CFAP47: variants seen among roughly 807,000 people sequenced by gnomAD.
CFAP47 encodes the protein cilia and flagella associated protein 47.
CFAP47 carries 29 observed loss-of-function variants against 148.1 expected under a neutral mutation model. The observed-to-expected ratio is 0.20, with a 90% CI of 0.15 to 0.27. The LOEUF (loss-of-function observed/expected upper bound fraction) is 0.27, where lower values mean the gene tolerates loss of function less well. Ranked by LOEUF, CFAP47 falls within the 10% of genes least tolerant of loss-of-function variation. CFAP47 has a pLI of 1.00. For synonymous variants in CFAP47, 664 were observed against 577.3 expected, an observed-to-expected ratio of 1.15 and a Z score of -2.15; for missense variants, 1,872 against 1,697.5, an observed-to-expected ratio of 1.10 and a Z score of -1.81.
intron 45 of CFAP47, among the ~76,000 whole-genome samples, chrX:36,218,044 G>C (rs957763279): frequency 1.4e-4 from 16 of 112,015 alleles, no homozygotes; most frequent in African/African-American, 4.9e-4. Context: ...TAGAAAACAT[G>C]CTGTTTATTG....
At chrX:36,210,788 A>G (rs984762970) in intron 45 of CFAP47, among the ~76,000 whole-genome samples, 1 of 112,250 alleles carries the variant, frequency 8.9e-6, no homozygotes, top group Admixed American at 9.5e-5. Context: ...GCCAAATGTG[A>G]GGTCATGAAG....
In CFAP47 at chrX:36,294,249, G is replaced by C. The variant is rs1251447055; in HGVS notation, c.7687-4728G>C. ...CCACGTCAGCACCATGATCATAAGA[G>C]AGGAAGCTGGAGCAGAGGGTTGAAA... On this transcript the variant is annotated intron_variant, in intron 51 of 63. Coordinates refer to ENST00000378653, the MANE Select transcript of CFAP47 (RefSeq NM_001304548.2). 3.6e-5 allele frequency among the ~76,000 whole-genome samples: 4 copies of C among 111,232 alleles called. No homozygotes were observed. In the East Asian group the frequency reaches 1.1e-3, roughly 32 times the overall value.
At chrX:35,980,549 A>G (rs1936628684) in intron 15 of CFAP47, among the ~76,000 whole-genome samples, 1 of 111,980 alleles carries the variant, frequency 8.9e-6, no homozygotes, top group African/African-American at 3.2e-5. Flanking sequence ...TCATGTCACA[A>G]TTCACATGCC....
intron 59 of CFAP47, among the ~76,000 whole-genome samples, chrX:36,350,470 C>T (rs183422682): frequency 5.4e-5 from 6 of 110,927 alleles, no homozygotes; most frequent in East Asian, 2.8e-4. Context: ...CATCCTTTTT[C>T]GGCTTCTGTG....
intron 29 of CFAP47, among the ~76,000 whole-genome samples, chrX:36,078,146 G>A (rs1008398129): frequency 1.8e-5 from 2 of 112,300 alleles, no homozygotes; most frequent in Non-Finnish European, 3.8e-5. Flanking sequence ...TTTGGAATAA[G>A]TGCAATGGGG....
At chrX:36,104,020 A>G (rs906384654) in intron 32 of CFAP47, among the ~76,000 whole-genome samples, 1 of 112,221 alleles carries the variant, frequency 8.9e-6, no homozygotes, top group African/African-American at 3.2e-5. Flanking sequence ...ATAGGGTAAC[A>G]ATAGGTCAAA....
chrX:36,140,652 A>G (rs1222864307), intron 35 of CFAP47, among the ~76,000 whole-genome samples: 1 of 111,748 alleles, frequency 8.9e-6, no homozygotes. Flanking sequence ...ACTTATACAT[A>G]ATGAATTAAT....
intron 2 of CFAP47, among the ~76,000 whole-genome samples, chrX:35,938,635 A>G (rs1935952893): frequency 9.0e-6 from 1 of 111,490 alleles, no homozygotes; most frequent in Non-Finnish European, 1.9e-5. Flanking sequence ...CATGCATTTT[A>G]TCCCTATTTA....
intron 16 of CFAP47, among the ~76,000 whole-genome samples, chrX:35,991,596 C>T (rs1936790017): frequency 9.1e-6 from 1 of 109,968 alleles, no homozygotes; most frequent in Non-Finnish European, 1.9e-5. Context: ...GGTACTTTTT[C>T]ATCAAAACTA....
At chrX:35,953,569 A>G in intron 6 of CFAP47, 23 bp from the exon 7 acceptor site, 1 of 1,154,383 alleles carries the variant, frequency 8.7e-7, no homozygotes, top group Non-Finnish European at 1.2e-6. Flanking sequence ...CTTTAAAAAT[A>G]ACTCATTGTG....
At position 36,168,138 on chromosome X, in the gene CFAP47, A is replaced by G. The variant is rs183313526; in HGVS notation, c.6026+7369A>G. Among the ~76,000 whole-genome samples the G allele has an allele frequency of 1.4e-4, 15 of 111,028 alleles. No individual in the cohort carries two copies. In the East Asian group the frequency reaches 2.9e-3, roughly 21 times the overall value. On this transcript the variant is annotated intron_variant, in intron 39 of 63. Coordinates refer to ENST00000378653, the MANE Select transcript of CFAP47 (RefSeq NM_001304548.2). Reference sequence around the variant, plus strand: ...CTCTTTTCTTTTACCCATCTTGTCAATCTTTCCTGTTTGATTGAAGTGTTT... The same window carrying G: ...CTCTTTTCTTTTACCCATCTTGTCAGTCTTTCCTGTTTGATTGAAGTGTTT...
intron 27 of CFAP47, among the ~76,000 whole-genome samples, chrX:36,069,114 C>T (rs1937698785): frequency 9.0e-6 from 1 of 110,544 alleles, no homozygotes; most frequent in Non-Finnish European, 1.9e-5. Flanking sequence ...TGTGTTCTAA[C>T]CACACTTTTA....
rs1336469163 is a variant in CFAP47, at chrX:36,255,551, AT to A, written c.7444+4117del. Among the ~76,000 whole-genome samples the A allele has an allele frequency of 2.6e-3, 269 of 105,471 alleles. 1 individual carries two copies. Among genetic ancestry groups the A allele is most frequent in the Middle Eastern group, 9.9e-3 (2 of 203 alleles). The allele number at this position is 105,471 out of a possible 115,157, so 91.6% of individuals were successfully genotyped here. A position where few individuals can be genotyped will look rare whatever the true frequency, so the allele number is the denominator to read the frequency against. On this transcript the variant is annotated intron_variant, in intron 49 of 63. Transcript: ENST00000378653. ...AGGTTTGACCTTGAGTGAAGCTTTT[AT>A]TTTTTTTTTCAAGCAAGGCAATGCA...
At chrX:36,377,678 A>C in intron 62 of CFAP47, among the ~76,000 whole-genome samples, 1 of 111,676 alleles carries the variant, frequency 9.0e-6, no homozygotes, top group Admixed American at 9.5e-5. Context: ...CTGCCATTTT[A>C]TTGATGTAAT....
At chrX:36,147,457 A>G (rs1307539726) in intron 36 of CFAP47, among the ~76,000 whole-genome samples, 1 of 112,404 alleles carries the variant, frequency 8.9e-6, no homozygotes, top group African/African-American at 3.2e-5. Context: ...CAAATCTACT[A>G]TAATTTGCAA....
At chrX:36,361,890 A>G (rs1941831874) in intron 61 of CFAP47, among the ~76,000 whole-genome samples, 1 of 112,493 alleles carries the variant, frequency 8.9e-6, no homozygotes, top group East Asian at 2.8e-4. Context: ...TATATTTTAC[A>G]TTGCAACTGC....
intron 49 of CFAP47, among the ~76,000 whole-genome samples, chrX:36,262,559 A>G (rs66892231): frequency 0.13 from 14,007 of 111,664 alleles, 696 homozygotes; most frequent in East Asian, 0.26. Context: ...ATTCTTTTTT[A>G]TGGCTAAATC....
intron 35 of CFAP47, chrX:36,144,424 A>G (rs1261378268): frequency 1.4e-6 from 1 of 691,122 alleles, no homozygotes; most frequent in Non-Finnish European, 1.9e-6. Context: ...AAATGTTTTA[A>G]AGTAATTCAA....
chrX:36,012,716 C>G (rs1258245795), intron 21 of CFAP47, among the ~76,000 whole-genome samples: 2 of 111,344 alleles, frequency 1.8e-5, no homozygotes, highest in Middle Eastern at 4.7e-3. Context: ...CTAATGCATG[C>G]GGGGCTTAAA....
Sources: gnomAD v4.1 joint callset for allele counts (sites outside exome capture counted in the v4.1 genomes callset) on GRCh38, gnomAD v4.1.1 for gene constraint, MANE v1.5 for transcripts, NCBI Gene and HGNC (gene_info 2026-07-23, HGNC 2026-07-21) for gene names.